The following ADGRV1 variants were observed in gnomAD, a reference collection of about 807,000 sequenced individuals.
ADGRV1 encodes G-protein coupled receptor 98.
In ADGRV1, 359 loss-of-function variants were observed where a neutral mutation model predicts 596.2. The observed-to-expected ratio is 0.60, with a 90% confidence interval of 0.55 to 0.66. ADGRV1 has a LOEUF of 0.66. ADGRV1 is among the 30% of genes least tolerant of loss of function. The pLI, the probability that ADGRV1 is intolerant of heterozygous loss-of-function variation, is 0.00. For synonymous variants in ADGRV1, 2,681 were observed against 2,679.2 expected (o/e 1.00, Z -0.02); for missense variants, 7,274 against 7,575.6 (o/e 0.96, Z 1.48).
In ADGRV1 at chr5:91,153,544, T is replaced by G. The variant is rs143898816; in HGVS notation, c.18802+146T>G. 2.8e-3 allele frequency: 1,343 copies of G among 474,546 alleles called. 20 individuals carry two copies. The highest frequency in any genetic ancestry group is 4.9e-3 in the East Asian group (145 of 29,338). 29.4% of individuals were successfully genotyped at this position (474,546 alleles called of 1,614,324 possible). A position where few individuals can be genotyped will look rare whatever the true frequency, so the allele number is the denominator to read the frequency against. ...GACCCATTCCTAATCCCAGGAAAAC[T>G]CTAGGATATTTTGTTCTTGGCACCA... On this transcript the variant is annotated intron_variant, in intron 89 of 89. Coordinates refer to ENST00000405460, the MANE Select transcript of ADGRV1 (RefSeq NM_032119.4).
chr5:90,673,679 A>G lies in ADGRV1; in HGVS notation c.4930-375A>G, dbSNP rs182628453. ...GTGGAAGGGGCAAACAAACTCCCTC[A>G]ACACTAATTCCATTCATGAGGGCTC... On this transcript the variant is annotated intron_variant, in intron 22 of 89. Transcript: ENST00000405460. Among the ~76,000 whole-genome samples, 26 of 152,170 alleles carry G rather than the reference A, an allele frequency of 1.7e-4. No homozygotes were observed. In the East Asian group the frequency reaches 5.0e-3, roughly 30 times the overall value.
chr5:90,971,403 T>C (rs1212481954), intron 84 of ADGRV1, among the ~76,000 whole-genome samples: 2 of 150,474 alleles, frequency 1.3e-5, no homozygotes, highest in East Asian at 3.9e-4. Context: ...AATTGTCAGA[T>C]TCACCAAAGA....
chr5:90,645,493 G>C (rs1185191490), intron 15 of ADGRV1, among the ~76,000 whole-genome samples: 1 of 152,160 alleles, frequency 6.6e-6, no homozygotes, highest in East Asian at 1.9e-4. Context: ...ATCAAATCTT[G>C]TTAGGACATG....
chr5:90,569,818 C>T (rs1004398408), intron 1 of ADGRV1, among the ~76,000 whole-genome samples: 6 of 151,936 alleles, frequency 3.9e-5, no homozygotes, highest in Admixed American at 1.3e-4. Context: ...ATTTCAATAG[C>T]GTGCAATAAT....
chr5:90,839,022 A>G (rs1765204321), intron 77 of ADGRV1, among the ~76,000 whole-genome samples: 1 of 152,178 alleles, frequency 6.6e-6, no homozygotes, highest in Non-Finnish European at 1.5e-5. Flanking sequence ...AACGAATGCA[A>G]AAACCTCCAT....
intron 84 of ADGRV1, among the ~76,000 whole-genome samples, chr5:90,981,022 A>C (rs1780035310): frequency 6.6e-6 from 1 of 152,164 alleles, no homozygotes; most frequent in Non-Finnish European, 1.5e-5. Flanking sequence ...TAATTTAGAA[A>C]GTTTATTTTG....
At chr5:91,153,665 C>T (rs1315135078) in intron 89 of ADGRV1, among the ~76,000 whole-genome samples, 1 of 152,216 alleles carries the variant, frequency 6.6e-6, no homozygotes, top group African/African-American at 2.4e-5. Context: ...CTTGCTAGAA[C>T]ACCAAGATAC....
At chr5:90,717,899 C>T (rs1305131912) in intron 43 of ADGRV1, 1 of 152,224 alleles carries the variant, frequency 6.6e-6, no homozygotes, top group Non-Finnish European at 1.5e-5. Flanking sequence ...GATCTGCCCG[C>T]CTCAACCTCC....
intron 39 of ADGRV1, among the ~76,000 whole-genome samples, chr5:90,710,321 G>A (rs1026236384): frequency 6.6e-6 from 1 of 152,160 alleles, no homozygotes; most frequent in African/African-American, 2.4e-5. Flanking sequence ...CAGGAGCAGG[G>A]TTAGTAATAT....
intron 85 of ADGRV1, among the ~76,000 whole-genome samples, chr5:91,014,176 C>CACACACACACACACACACACACACACACA (rs56292568): frequency 0.02 from 2,457 of 124,108 alleles, 373 homozygotes; most frequent in Middle Eastern, 0.03. Context: ...ACACACACAC[C>CACACACACACACACACACACACACACACA]CCTAGACATA....
At chr5:90,747,240 A>T (rs1754724992) in intron 52 of ADGRV1, among the ~76,000 whole-genome samples, 1 of 152,086 alleles carries the variant, frequency 6.6e-6, no homozygotes. Flanking sequence ...CCTGCAGTGT[A>T]GCCCTGCCCA....
chr5:91,077,922 A>T (rs182433260), intron 86 of ADGRV1, among the ~76,000 whole-genome samples: 2 of 152,272 alleles, frequency 1.3e-5, no homozygotes, highest in African/African-American at 4.8e-5. Flanking sequence ...ATGAGGAATG[A>T]TTCATGGATC....
intron 20 of ADGRV1, chr5:90,655,077 G>A (rs1046442316): frequency 6.6e-6 from 1 of 152,174 alleles, no homozygotes; most frequent in Non-Finnish European, 1.5e-5. Context: ...ATAAAAGTAT[G>A]CATATTGTAA....
At chr5:90,747,617 G>A (rs781429868) in intron 52 of ADGRV1, among the ~76,000 whole-genome samples, 3 of 152,066 alleles carry the variant, frequency 2.0e-5, no homozygotes, top group Non-Finnish European at 4.4e-5. Context: ...AAGCATACTA[G>A]GGACTCAGTG....
At chr5:90,973,759 A>G (rs984105018) in intron 84 of ADGRV1, among the ~76,000 whole-genome samples, 1 of 152,188 alleles carries the variant, frequency 6.6e-6, no homozygotes, top group Non-Finnish European at 1.5e-5. Flanking sequence ...TGAATGGGCA[A>G]AAACTGGAAG....
intron 13 of ADGRV1, 34 bp downstream of exon 13, chr5:90,643,075 G>A: frequency 6.5e-7 from 1 of 1,530,708 alleles, no homozygotes; most frequent in Non-Finnish European, 9.0e-7. Flanking sequence ...GTGTTTCTCT[G>A]TAAGATTGAT....
At chr5:90,967,109 A>G (rs1778542326) in intron 84 of ADGRV1, among the ~76,000 whole-genome samples, 1 of 152,148 alleles carries the variant, frequency 6.6e-6, no homozygotes, top group African/African-American at 2.4e-5. Context: ...CCAGTATGAT[A>G]TGATAGTAGT....
intron 29 of ADGRV1, among the ~76,000 whole-genome samples, chr5:90,688,450 C>G (rs1018595276): frequency 6.6e-6 from 1 of 152,056 alleles, no homozygotes. Flanking sequence ...GTCCGCCTCC[C>G]GGGTTCAAGA....
intron 83 of ADGRV1, among the ~76,000 whole-genome samples, chr5:90,935,976 G>A (rs1775652210): frequency 6.6e-6 from 1 of 151,958 alleles, no homozygotes; most frequent in Non-Finnish European, 1.5e-5. Context: ...GCAACATAGC[G>A]ACCACCCCAT....
Sources: allele counts gnomAD v4.1 joint callset (sites outside exome capture counted in the v4.1 genomes callset), GRCh38; gene constraint gnomAD v4.1.1; transcripts MANE v1.5; gene names NCBI Gene and HGNC (gene_info 2026-07-23, HGNC 2026-07-21).